The following SNX12 variants were observed in gnomAD, a reference collection of about 807,000 sequenced individuals.
SNX12 encodes the protein sorting nexin 12, also known as sorting nexin-12.
For synonymous variants in SNX12, 47 were observed against 56.0 expected, an observed-to-expected ratio of 0.84 and a Z score of 0.71; for missense variants, 62 against 141.3, an observed-to-expected ratio of 0.44 and a Z score of 2.84.
upstream of SNX12, among the ~76,000 whole-genome samples, chrX:71,068,867 A>G (rs899416828): frequency 6.3e-5 from 7 of 111,942 alleles, no homozygotes; most frequent in Admixed American, 9.5e-5. Flanking sequence ...GCCACACACA[A>G]TGGCGCACTC....
Position 71,060,739 on chromosome X carries a change from A to G in SNX12, c.*277T>C, listed in dbSNP as rs2092128008. ...CCCAGGTTAGCCTTCTGGCATGGGT[A>G]AATGCCCAAGAAATTGCCTTCCAGT... On this transcript the variant is annotated 3_prime_UTR_variant, in exon 4 of 4. Coordinates refer to ENST00000374274, the MANE Select transcript of SNX12 (RefSeq NM_013346.4). 1.1e-5 allele frequency: 3 copies of G among 273,961 alleles called. No homozygotes were observed. In the South Asian group the frequency reaches 2.1e-4, roughly 20 times the overall value. 22.6% of individuals were successfully genotyped at this position (273,961 alleles called of 1,213,427 possible). A position where few individuals can be genotyped will look rare whatever the true frequency, so the allele number is the denominator to read the frequency against.
chrX:71,072,570 T>C (rs1334813095), upstream of SNX12, among the ~76,000 whole-genome samples: 2 of 111,331 alleles, frequency 1.8e-5, no homozygotes, highest in Admixed American at 1.9e-4. Context: ...AGAGAATCTT[T>C]TGAGAAACTT....
At chrX:71,069,958 AG>A (rs2147709917), upstream of SNX12, among the ~76,000 whole-genome samples, 1 of 78,136 alleles carries the variant, frequency 1.3e-5, no homozygotes, top group South Asian at 4.7e-4. Flanking sequence ...AAGAAAGAAA[AG>A]GAAAAGAAAA....
At chrX:71,070,769 ATCTT>A (rs2092169529), upstream of SNX12, among the ~76,000 whole-genome samples, 3 of 111,379 alleles carry the variant, frequency 2.7e-5, no homozygotes, top group South Asian at 1.1e-3. Flanking sequence ...AATCGGTACA[ATCTT>A]TCTGGGAAAT....
chrX:71,068,601 G>A (rs187550327), upstream of SNX12, among the ~76,000 whole-genome samples: 7 of 112,993 alleles, frequency 6.2e-5, no homozygotes, highest in East Asian at 1.9e-3. Flanking sequence ...CCAATACCCT[G>A]CCTAGCAGCA....
At chrX:71,061,471 G>T (rs763326052) in intron 3 of SNX12, among the ~76,000 whole-genome samples, 1 of 112,393 alleles carries the variant, frequency 8.9e-6, no homozygotes, top group East Asian at 2.8e-4. Context: ...GGTGGCTCAC[G>T]CCTGTAATCC....
At chrX:71,064,656 G>C (rs1381768400) in intron 1 of SNX12, among the ~76,000 whole-genome samples, 1 of 112,747 alleles carries the variant, frequency 8.9e-6, no homozygotes, top group African/African-American at 3.2e-5. Context: ...CAAGGCTCTA[G>C]TGGCAACACG....
chrX:71,068,425 G>A (rs1456919113), upstream of SNX12: 2 of 578,392 alleles, frequency 3.5e-6, no homozygotes, highest in Non-Finnish European at 2.5e-6. Flanking sequence ...CGGCGGCGGC[G>A]CGCACGCGCG....
upstream of SNX12, chrX:71,068,470 G>C: frequency 5.7e-6 from 2 of 351,164 alleles, no homozygotes; most frequent in South Asian, 1.5e-4. Context: ...ACGGGCCTGG[G>C]CCCCGGGCTC....
At chrX:71,071,948 G>A (rs2092175288), upstream of SNX12, among the ~76,000 whole-genome samples, 4 of 108,652 alleles carry the variant, frequency 3.7e-5, no homozygotes, top group South Asian at 1.5e-3. Context: ...AACCATTAAA[G>A]GGCAGGCACA....
upstream of SNX12, among the ~76,000 whole-genome samples, chrX:71,072,855 G>A (rs1261107551): frequency 1.8e-5 from 2 of 110,396 alleles, no homozygotes; most frequent in Non-Finnish European, 3.8e-5. Flanking sequence ...AGGGTACTGG[G>A]CTAATTAAGT....
rs143631149 is a variant in SNX12 at position 71,061,814 on chromosome X, C to T, written c.386+29G>A. 457 of 1,190,719 alleles carry T rather than the reference C, an allele frequency of 3.8e-4. 3 individuals are homozygous for T. The African/African-American group carries it at 7.5e-3, about 20-fold the overall frequency. Reference sequence around the variant, plus strand: ...AGAAAGACTACGATGGCAAAAGTAGCAAGTGGAGCCCCCAGGAACTTGGCT... The same window carrying T: ...AGAAAGACTACGATGGCAAAAGTAGTAAGTGGAGCCCCCAGGAACTTGGCT... On this transcript the variant is annotated intron_variant, in intron 3 of 3. Transcript: ENST00000374274.
upstream of SNX12, chrX:71,068,435 G>A: frequency 2.0e-6 from 1 of 504,248 alleles, no homozygotes; most frequent in Non-Finnish European, 3.0e-6. Flanking sequence ...GCGCACGCGC[G>A]CCCACGCACG....
upstream of SNX12, among the ~76,000 whole-genome samples, chrX:71,071,699 A>G (rs1490568979): frequency 2.8e-5 from 2 of 70,919 alleles, no homozygotes; most frequent in Non-Finnish European, 4.9e-5. Context: ...ATATAAATAT[A>G]TAATATATAG....
At position 71,068,084 on chromosome X, in the gene SNX12, C is replaced by G. The variant is rs1260970089; in HGVS notation, c.165+58G>C. Reference sequence around the variant, plus strand: ...TTGCCCCCGCGGTAGCCTCCCTCCCCCCTCCCGCTCGCGCCGCCCGGTCCT... The same window carrying G: ...TTGCCCCCGCGGTAGCCTCCCTCCCGCCTCCCGCTCGCGCCGCCCGGTCCT... On this transcript the variant is annotated intron_variant, in intron 1 of 3. Coordinates refer to ENST00000374274, the MANE Select transcript of SNX12 (RefSeq NM_013346.4). The G allele has an allele frequency of 1.1e-5, 12 of 1,076,436 alleles. No individual in the cohort carries two copies. The Admixed American group carries it at 1.8e-4, about 16-fold the overall frequency. 88.7% of individuals were successfully genotyped at this position (1,076,436 alleles called of 1,213,427 possible). A position where few individuals can be genotyped will look rare whatever the true frequency, so the allele number is the denominator to read the frequency against.
Position 71,062,849 on chromosome X carries a change from C to G in SNX12, c.261+5G>C, listed in dbSNP as rs769931935. The stretch of plus-strand genomic sequence containing the variant: ...AAAGATGCCACACAGAGAACAAAGC[C>G]ATACCTTGCTATCTCTCTCCAGCTC... On this transcript the variant is annotated splice_donor_5th_base_variant and intron_variant, in intron 2 of 3. Coordinates refer to ENST00000374274, the MANE Select transcript of SNX12 (RefSeq NM_013346.4). 1 of 1,180,894 alleles carries G rather than the reference C, an allele frequency of 8.5e-7. No individual in the cohort carries two copies. Among genetic ancestry groups the G allele is most frequent in the African/African-American group, 1.8e-5 (1 of 56,575 alleles).
At chrX:71,067,426 G>T (rs752077920) in intron 1 of SNX12, among the ~76,000 whole-genome samples, 1 of 112,413 alleles carries the variant, frequency 8.9e-6, no homozygotes, top group Non-Finnish European at 1.9e-5. Flanking sequence ...GATCCACATA[G>T]AATGAAAGCA....
chrX:71,066,929 T>C (rs1199934313), intron 1 of SNX12, among the ~76,000 whole-genome samples: 1 of 112,075 alleles, frequency 8.9e-6, no homozygotes, highest in Non-Finnish European at 1.9e-5. Context: ...TCATAATTTC[T>C]CAATAAGATT....
upstream of SNX12, among the ~76,000 whole-genome samples, chrX:71,071,544 T>TTATATATAATATATAATATTTATATATTA: frequency 2.7e-5 from 1 of 36,695 alleles, no homozygotes; most frequent in East Asian, 6.0e-4. Context: ...TTTATATATA[T>TTATATATAATATATAATATTTATATATTA]TATATATAAA....
Sources: gnomAD v4.1 joint callset for allele counts (sites outside exome capture counted in the v4.1 genomes callset) on GRCh38, gnomAD v4.1.1 for gene constraint, MANE v1.5 for transcripts, NCBI Gene and HGNC (gene_info 2026-07-23, HGNC 2026-07-21) for gene names.